PPARGC1A: variants seen among roughly 807,000 people sequenced by gnomAD.
The protein encoded by PPARGC1A is PPARG coactivator 1 alpha.
PPARGC1A carries 25 observed loss-of-function variants against 88.7 expected under a neutral mutation model. The ratio of observed to expected loss-of-function variants is 0.28; its 90% CI spans 0.21 to 0.39. The LOEUF (loss-of-function observed/expected upper bound fraction) is 0.39, where lower values mean the gene tolerates loss of function less well. Among genes scored for constraint, PPARGC1A ranks in the 10% least tolerant of loss-of-function variants. The pLI, the probability that PPARGC1A is intolerant of heterozygous loss-of-function variation, is 1.00. For synonymous variants in PPARGC1A, 363 were observed against 355.6 expected (o/e 1.02, Z -0.24); for missense variants, 880 against 968.7 (o/e 0.91, Z 1.22).
Position 23,812,824 on chromosome 4 carries a change from C to T in PPARGC1A, c.1942G>A (p.Glu648Lys). 2 of 1,614,040 alleles carry T rather than the reference C, an allele frequency of 1.2e-6. No homozygotes were observed. Among genetic ancestry groups the T allele is most frequent in the Non-Finnish European group, 1.7e-6 (2 of 1,180,006 alleles). The part of the protein sequence containing the change: ...EEYQHERLKR[E>K]EYRREYEKRE... ...TTCTCATACTCTCTGCGATATTCTT[C>T]CCTCTTCAGCCTCTCGTGCTGATAT... The change falls in exon 10 of 13, where the codon GAA (glutamate) becomes AAA (lysine). Residue 648 changes from glutamate (E) to lysine (K), a missense_variant. Transcript: ENST00000264867.
At chr4:23,901,884 T>G (rs1244417905), upstream of PPARGC1A, among the ~76,000 whole-genome samples, 1 of 151,382 alleles carries the variant, frequency 6.6e-6, no homozygotes. Context: ...TATTTAAGGG[T>G]TTTTTTTTCT....
At chr4:24,031,722 ACAGT>A in the PPARGC1A span, among the ~76,000 whole-genome samples, 1 of 152,152 alleles carries the variant, frequency 6.6e-6, no homozygotes, top group African/African-American at 2.4e-5. Flanking sequence ...TGGGTGGGAA[ACAGT>A]CAAAGTCACC....
intron 2 of PPARGC1A, among the ~76,000 whole-genome samples, chr4:23,846,666 A>C (rs1444297007): frequency 2.0e-5 from 3 of 152,156 alleles, no homozygotes; most frequent in Non-Finnish European, 4.4e-5. Context: ...TTGAGCACCT[A>C]GCATGTGTCG....
At chr4:24,444,710 A>G in the PPARGC1A span, among the ~76,000 whole-genome samples, 1 of 152,210 alleles carries the variant, frequency 6.6e-6, no homozygotes, top group Non-Finnish European at 1.5e-5. Flanking sequence ...TGATTCTGGG[A>G]TAGTAGCCTG....
the PPARGC1A span, among the ~76,000 whole-genome samples, chr4:24,149,879 T>G: frequency 6.6e-6 from 1 of 152,228 alleles, no homozygotes; most frequent in African/African-American, 2.4e-5. Context: ...AATTTTTCAT[T>G]GATTTACAGC....
chr4:24,194,414 A>G, the PPARGC1A span, among the ~76,000 whole-genome samples: 1 of 151,832 alleles, frequency 6.6e-6, no homozygotes, highest in Non-Finnish European at 1.5e-5. Context: ...TGCTCCTCTC[A>G]ATTTCCATGA....
chr4:24,112,606 G>C, the PPARGC1A span, among the ~76,000 whole-genome samples: 1 of 152,142 alleles, frequency 6.6e-6, no homozygotes, highest in African/African-American at 2.4e-5. Context: ...GAGGAAAAAA[G>C]AAATAGACAA....
the PPARGC1A span, among the ~76,000 whole-genome samples, chr4:24,153,895 A>C: frequency 6.6e-6 from 1 of 152,172 alleles, no homozygotes; most frequent in Non-Finnish European, 1.5e-5. Flanking sequence ...GGATCCCTCC[A>C]CATGAAAAAT....
At chr4:24,452,012 A>G in the PPARGC1A span, among the ~76,000 whole-genome samples, 2 of 152,216 alleles carry the variant, frequency 1.3e-5, no homozygotes, top group African/African-American at 4.8e-5. Context: ...TGAGTAAAAC[A>G]GATTACCCTC....
chr4:24,115,688 C>T, the PPARGC1A span, among the ~76,000 whole-genome samples: 60 of 152,134 alleles, frequency 3.9e-4, no homozygotes, highest in Admixed American at 7.2e-4. Flanking sequence ...CAATCGTTTT[C>T]ATATATCAAC....
chr4:24,263,323 G>T, the PPARGC1A span, among the ~76,000 whole-genome samples: 1 of 152,142 alleles, frequency 6.6e-6, no homozygotes, highest in Non-Finnish European at 1.5e-5. Context: ...GAGAGTGCAT[G>T]GACAGTTGTC....
the PPARGC1A span, among the ~76,000 whole-genome samples, chr4:24,199,392 C>A: frequency 1.2e-4 from 18 of 151,970 alleles, no homozygotes; most frequent in African/African-American, 4.4e-4. Context: ...AATAATAATA[C>A]GTGATAAGTG....
chr4:23,828,326 T>C, intron 5 of PPARGC1A, 74 bp downstream of exon 5: 2 of 1,441,616 alleles, frequency 1.4e-6, no homozygotes, highest in Non-Finnish European at 1.9e-6. Flanking sequence ...GAAGTTGGTG[T>C]GTTCTCAGAC....
the PPARGC1A span, among the ~76,000 whole-genome samples, chr4:23,910,336 AT>A: frequency 3.3e-3 from 211 of 63,424 alleles, 5 homozygotes; most frequent in Non-Finnish European, 4.6e-3. Flanking sequence ...TATATATTAT[AT>A]ATATTATATA....
the PPARGC1A span, among the ~76,000 whole-genome samples, chr4:24,320,325 T>C: frequency 3.9e-5 from 6 of 152,348 alleles, no homozygotes; most frequent in South Asian, 2.1e-4. Flanking sequence ...ATAAATGATA[T>C]AGTTTCTTCA....
chr4:23,890,054 G>A, upstream of PPARGC1A: 1 of 1,568,450 alleles, frequency 6.4e-7, no homozygotes. Flanking sequence ...TACTGAGAGT[G>A]AACTGAAGGC....
intron 12 of PPARGC1A, among the ~76,000 whole-genome samples, chr4:23,798,942 T>C (rs983372565): frequency 2.0e-5 from 3 of 152,194 alleles, no homozygotes; most frequent in African/African-American, 7.2e-5. Flanking sequence ...GTCACCATTA[T>C]CTAGTTTCAG....
At chr4:24,245,296 T>C in the PPARGC1A span, among the ~76,000 whole-genome samples, 3 of 152,194 alleles carry the variant, frequency 2.0e-5, no homozygotes, top group African/African-American at 4.8e-5. Context: ...AAATAAAGCA[T>C]TGGAGCGTCT....
chr4:24,097,798 T>C, the PPARGC1A span, among the ~76,000 whole-genome samples: 1 of 152,166 alleles, frequency 6.6e-6, no homozygotes, highest in African/African-American at 2.4e-5. Context: ...ACAGTGATGC[T>C]CACCATTCTC....
Sources: allele counts gnomAD v4.1 joint callset (sites outside exome capture counted in the v4.1 genomes callset), GRCh38; gene constraint gnomAD v4.1.1; transcripts MANE v1.5; gene names NCBI Gene and HGNC (gene_info 2026-07-23, HGNC 2026-07-21).